Variants in PARD3B observed in about 807,000 individuals in gnomAD.
PARD3B encodes partitioning defective 3 homolog B.
PARD3B carries 103 observed loss-of-function variants against 130.2 expected under a neutral mutation model. That is an observed-to-expected ratio of 0.79 (90% CI 0.67 to 0.93). The LOEUF (loss-of-function observed/expected upper bound fraction) is 0.93, where lower values mean the gene tolerates loss of function less well. Among genes scored for constraint, PARD3B ranks in the 40% least tolerant of loss-of-function variants. The pLI is 0.00. For synonymous variants in PARD3B, 583 were observed against 553.2 expected (o/e 1.05, Z -0.76); for missense variants, 1,609 against 1,499.2 (o/e 1.07, Z -1.21).
chr2:204,795,792 T>C (rs991298401), intron 2 of PARD3B, among the ~76,000 whole-genome samples: 19 of 152,244 alleles, frequency 1.2e-4, no homozygotes, highest in African/African-American at 4.6e-4. Context: ...TTTGATATTT[T>C]CTTCTATTAT....
At chr2:204,639,151 C>G (rs1261065652) in intron 1 of PARD3B, among the ~76,000 whole-genome samples, 1 of 152,122 alleles carries the variant, frequency 6.6e-6, no homozygotes, top group Non-Finnish European at 1.5e-5. Context: ...CAGCAAAAAT[C>G]TTTTATCTTG....
chr2:204,576,657 A>G (rs2032276687), intron 1 of PARD3B, among the ~76,000 whole-genome samples: 1 of 152,146 alleles, frequency 6.6e-6, no homozygotes, highest in African/African-American at 2.4e-5. Flanking sequence ...GTGTGGTTAT[A>G]TTATATAATG....
chr2:205,270,079 C>G (rs1045901835), intron 16 of PARD3B, among the ~76,000 whole-genome samples: 1 of 152,100 alleles, frequency 6.6e-6, no homozygotes, highest in Non-Finnish European at 1.5e-5. Context: ...TTTCACATTG[C>G]ATGCATGTAT....
At chr2:205,424,734 C>G (rs2047084793) in intron 19 of PARD3B, among the ~76,000 whole-genome samples, 1 of 152,096 alleles carries the variant, frequency 6.6e-6, no homozygotes, top group Admixed American at 6.6e-5. Context: ...CCCAGACATT[C>G]AACAGAAGGG....
chr2:204,753,555 G>C (rs1272082369), intron 2 of PARD3B, among the ~76,000 whole-genome samples: 1 of 147,138 alleles, frequency 6.8e-6, no homozygotes, highest in Non-Finnish European at 1.5e-5. Context: ...TGACTGATTT[G>C]ACTGGAAGAC....
rs770265015 is a variant in PARD3B at position 205,585,977 on chromosome 2, A to G, written c.3261-29479A>G. Among the ~76,000 whole-genome samples, 12 of 152,206 alleles carry G rather than the reference A, an allele frequency of 7.9e-5. No individual in the cohort carries two copies. The highest frequency in any genetic ancestry group is 1.5e-4 in the Non-Finnish European group (10 of 68,024). On this transcript the variant is annotated intron_variant, in intron 22 of 22. Coordinates refer to ENST00000406610, the MANE Select transcript of PARD3B (RefSeq NM_001302769.2). This position sits in a 1 kb window ranked among gnomAD's most constrained non-coding sequence, Gnocchi z 5.4. ...TGGTTTCTGAGCTTTCAGAAGGCCA[A>G]TGTGAGGAAATTCAAAACACAACAG...
chr2:205,420,946 T>C (rs767340273), intron 19 of PARD3B, among the ~76,000 whole-genome samples: 1 of 152,004 alleles, frequency 6.6e-6, no homozygotes, highest in Non-Finnish European at 1.5e-5. Flanking sequence ...ATCAAGACCA[T>C]CCTGACCAAC....
At chr2:205,278,408 G>A (rs960178983) in intron 16 of PARD3B, among the ~76,000 whole-genome samples, 1 of 152,148 alleles carries the variant, frequency 6.6e-6, no homozygotes, top group African/African-American at 2.4e-5. Context: ...GCTTGGGGGG[G>A]AGAGGGGTCC....
rs1425436937 is a variant in PARD3B at position 205,146,106 on chromosome 2, A to C, written c.1435-12616A>C. On this transcript the variant is annotated intron_variant, in intron 10 of 22. Coordinates refer to ENST00000406610, the MANE Select transcript of PARD3B (RefSeq NM_001302769.2). The surrounding 1 kb of genome is among the most constrained non-coding windows in gnomAD (Gnocchi z 4.3). ...GTGCCACCCTTGCTTCCTGGGTGCA[A>C]GTCTCATCTGTGGATACAGCAGGCA... Among the ~76,000 whole-genome samples the C allele has an allele frequency of 6.6e-6, 1 of 152,178 alleles. No individual in the cohort carries two copies. Among genetic ancestry groups the C allele is most frequent in the Non-Finnish European group, 1.5e-5 (1 of 68,028 alleles).
At chr2:205,079,315 G>C (rs1323330729) in intron 4 of PARD3B, among the ~76,000 whole-genome samples, 1 of 152,124 alleles carries the variant, frequency 6.6e-6, no homozygotes, top group Admixed American at 6.5e-5. Context: ...CAAAATACCC[G>C]AGACTAGGTA....
chr2:205,389,228 C>G (rs1044401782), intron 18 of PARD3B, among the ~76,000 whole-genome samples: 11 of 152,084 alleles, frequency 7.2e-5, no homozygotes, highest in Admixed American at 2.0e-4. Flanking sequence ...TATTAGTTAA[C>G]TTTAACATCA....
chr2:204,552,091 T>C (rs1287344763), intron 1 of PARD3B, among the ~76,000 whole-genome samples: 1 of 152,176 alleles, frequency 6.6e-6, no homozygotes, highest in African/African-American at 2.4e-5. Context: ...TAGTGGACAG[T>C]TCAGATCCAA....
Position 205,281,432 on chromosome 2 carries a change from C to A in PARD3B, c.2186-19098C>A, listed in dbSNP as rs142759937. Among the ~76,000 whole-genome samples the A allele has an allele frequency of 6.6e-6, 1 of 152,260 alleles. No homozygotes were observed. Among genetic ancestry groups the A allele is most frequent in the Non-Finnish European group, 1.5e-5 (1 of 68,016 alleles). On this transcript the variant is annotated intron_variant, in intron 16 of 22. Coordinates refer to ENST00000406610, the MANE Select transcript of PARD3B (RefSeq NM_001302769.2). The surrounding 1 kb of genome is among the most constrained non-coding windows in gnomAD (Gnocchi z 4.2). ...TCTTCATATTGCACACAAAAGTTCT[C>A]TGAAAACGAAGTTGAAAGAAAGAGA...
At position 205,128,546 on chromosome 2, in the gene PARD3B, G is replaced by T. The variant is rs1338953084; in HGVS notation, c.1434+2809G>T. Reference sequence around the variant, plus strand: ...TAGCTGTGTGATGTAGAGCCATTCGGAACATCACTCAGAGGCTGTTTCCTC... The same window carrying T: ...TAGCTGTGTGATGTAGAGCCATTCGTAACATCACTCAGAGGCTGTTTCCTC... On this transcript the variant is annotated intron_variant, in intron 10 of 22. Coordinates refer to ENST00000406610, the MANE Select transcript of PARD3B (RefSeq NM_001302769.2). The surrounding 1 kb of genome is among the most constrained non-coding windows in gnomAD (Gnocchi z 4.5). 6.6e-6 allele frequency among the ~76,000 whole-genome samples: 1 copy of T among 152,208 alleles called. No homozygotes were observed. The highest frequency in any genetic ancestry group is 1.5e-5 in the Non-Finnish European group (1 of 68,038).
In PARD3B at chr2:205,265,083, G is replaced by A. The variant is rs1165889067; in HGVS notation, c.2185+19261G>A. Among the ~76,000 whole-genome samples the A allele has an allele frequency of 7.1e-6, 1 of 141,690 alleles. No homozygotes were observed. The highest frequency in any genetic ancestry group is 2.6e-5 in the African/African-American group (1 of 38,716). 93.0% of individuals were successfully genotyped at this position (141,690 alleles called of 152,430 possible). On this transcript the variant is annotated intron_variant, in intron 16 of 22. Coordinates refer to ENST00000406610, the MANE Select transcript of PARD3B (RefSeq NM_001302769.2). The surrounding 1 kb of genome is among the most constrained non-coding windows in gnomAD (Gnocchi z 4.3). ...ATATCAACAGCGAAACCGGATAGAT[G>A]TGGCACCAATAGCTTACTTCAAATA...
Position 205,564,474 on chromosome 2 carries a change from G to C in PARD3B, c.3260+11071G>C, listed in dbSNP as rs1028816739. 6.6e-6 allele frequency among the ~76,000 whole-genome samples: 1 copy of C among 152,206 alleles called. No homozygotes were observed. The highest frequency in any genetic ancestry group is 2.4e-5 in the African/African-American group (1 of 41,458). ...TAAAGACTGCCTCTGTGTTATGCTAGTGAGTTAAATATATATACATATAAA... is the reference window on the plus strand; with the variant it reads ...TAAAGACTGCCTCTGTGTTATGCTACTGAGTTAAATATATATACATATAAA... On this transcript the variant is annotated intron_variant, in intron 22 of 22. Transcript: ENST00000406610. This position sits in a 1 kb window ranked among gnomAD's most constrained non-coding sequence, Gnocchi z 4.6.
intron 2 of PARD3B, among the ~76,000 whole-genome samples, chr2:204,686,832 GT>G (rs2125244836): frequency 6.6e-6 from 1 of 152,216 alleles, no homozygotes; most frequent in East Asian, 1.9e-4. Context: ...GAATAATCTC[GT>G]TGCAAATATC....
intron 10 of PARD3B, among the ~76,000 whole-genome samples, chr2:205,127,887 A>AT (rs1312016612): frequency 2.6e-5 from 4 of 151,984 alleles, no homozygotes; most frequent in African/African-American, 7.3e-5. Context: ...TGGAGTCTGG[A>AT]TTTTTTTTCT....
chr2:204,778,826 C>G (rs1421791524), intron 2 of PARD3B, among the ~76,000 whole-genome samples: 2 of 152,130 alleles, frequency 1.3e-5, no homozygotes, highest in Non-Finnish European at 2.9e-5. Context: ...CATGCATTCT[C>G]CTATGACTGT....
Sources: gnomAD v4.1 joint callset for allele counts (sites outside exome capture counted in the v4.1 genomes callset) on GRCh38, gnomAD v4.1.1 for gene constraint, Gnocchi (gnomAD v3.1) non-coding constraint, MANE v1.5 for transcripts, NCBI Gene and HGNC (gene_info 2026-07-23, HGNC 2026-07-21) for gene names.